Variants in PPP2R5E observed in about 807,000 individuals in gnomAD.
The protein encoded by PPP2R5E is protein phosphatase 2 regulatory subunit B'epsilon.
Under a neutral mutation model 65.3 loss-of-function variants are expected in PPP2R5E, and 4 were observed. The ratio of observed to expected loss-of-function variants is 0.06; its 90% CI spans 0.03 to 0.14. PPP2R5E has a LOEUF of 0.14. PPP2R5E is among the 10% of genes least tolerant of loss of function. The probability of loss-of-function intolerance (pLI) is 1.00; values close to 1 mark genes in which losing one functional copy is unlikely to be tolerated. For missense variants in PPP2R5E, 274 were observed against 556.1 expected (o/e 0.49, Z 5.10); for synonymous variants, 183 against 187.4 (o/e 0.98, Z 0.19).
chr14:63,426,041 G>A (rs1347302648), intron 3 of PPP2R5E, among the ~76,000 whole-genome samples: 1 of 152,146 alleles, frequency 6.6e-6, no homozygotes, highest in Non-Finnish European at 1.5e-5. Context: ...ACCAAATGAG[G>A]AATGAGAAAG....
At chr14:63,524,659 G>A (rs767999226) in intron 2 of PPP2R5E, among the ~76,000 whole-genome samples, 1 of 152,186 alleles carries the variant, frequency 6.6e-6, no homozygotes, top group Non-Finnish European at 1.5e-5. Flanking sequence ...TGACTGACAT[G>A]ACTGACATGC....
chr14:63,430,369 A>ACATACATACATACATGCATGCATACATG (rs1887581648), intron 3 of PPP2R5E, among the ~76,000 whole-genome samples: 7 of 135,138 alleles, frequency 5.2e-5, no homozygotes, highest in African/African-American at 2.2e-4. Flanking sequence ...ATACATACAT[A>ACATACATACATACATGCATGCATACATG]CATGCATGCA....
chr14:63,501,905 A>C (rs1891909682), intron 2 of PPP2R5E, among the ~76,000 whole-genome samples: 1 of 151,996 alleles, frequency 6.6e-6, no homozygotes, highest in South Asian at 2.1e-4. Context: ...TTAATTTTTT[A>C]TTTTTTTGAG....
chr14:63,440,432 G>T (rs1302959665), intron 3 of PPP2R5E, among the ~76,000 whole-genome samples: 1 of 148,072 alleles, frequency 6.8e-6, no homozygotes, highest in Non-Finnish European at 1.5e-5. Flanking sequence ...AAAAAAAAAT[G>T]AACATTTAAC....
intron 2 of PPP2R5E, among the ~76,000 whole-genome samples, chr14:63,493,971 T>C (rs1891416019): frequency 6.6e-6 from 1 of 152,174 alleles, no homozygotes; most frequent in African/African-American, 2.4e-5. Flanking sequence ...TCTCAAATAC[T>C]CTACTAGAAA....
intron 3 of PPP2R5E, among the ~76,000 whole-genome samples, chr14:63,435,657 C>A (rs1215410785): frequency 2.0e-5 from 3 of 152,226 alleles, no homozygotes; most frequent in Admixed American, 6.5e-5. Context: ...CACACCCTCT[C>A]TAATCTAAAC....
intron 2 of PPP2R5E, among the ~76,000 whole-genome samples, chr14:63,471,268 T>C (rs1474356267): frequency 6.6e-6 from 1 of 152,212 alleles, no homozygotes; most frequent in Non-Finnish European, 1.5e-5. Context: ...TCACAAGTTT[T>C]CAGAATCTAT....
chr14:63,471,711 C>T (rs982442045), intron 2 of PPP2R5E, among the ~76,000 whole-genome samples: 1 of 152,238 alleles, frequency 6.6e-6, no homozygotes, highest in East Asian at 1.9e-4. Flanking sequence ...GAAAGGGGGC[C>T]CTGCTGAGCT....
chr14:63,384,340 A>G (rs1439718748), intron 12 of PPP2R5E, 104 bp downstream of exon 12: 4 of 1,339,648 alleles, frequency 3.0e-6, no homozygotes, highest in South Asian at 1.2e-5. Context: ...ATCTTTTCAC[A>G]TACGTCTTCA....
At chr14:63,456,834 T>C (rs6573519) in intron 2 of PPP2R5E, among the ~76,000 whole-genome samples, 45,994 of 152,090 alleles carry the variant, frequency 0.3, 8,962 homozygotes, top group African/African-American at 0.56. Context: ...CAAATGACTC[T>C]CCATTCATAA....
intron 5 of PPP2R5E, among the ~76,000 whole-genome samples, chr14:63,405,980 A>G (rs1377146814): frequency 1.3e-5 from 2 of 152,252 alleles, no homozygotes; most frequent in Non-Finnish European, 2.9e-5. Flanking sequence ...AAGTGAGTAC[A>G]CAAAAAATGC....
intron 4 of PPP2R5E, among the ~76,000 whole-genome samples, chr14:63,417,930 C>T (rs1023170698): frequency 7.9e-5 from 12 of 152,112 alleles, no homozygotes; most frequent in Non-Finnish European, 1.8e-4. Context: ...GTCTCAGAGC[C>T]CCTCTAAGGG....
At chr14:63,511,224 C>T (rs371193711) in intron 2 of PPP2R5E, among the ~76,000 whole-genome samples, 30 of 152,320 alleles carry the variant, frequency 2.0e-4, no homozygotes, top group African/African-American at 6.3e-4. Context: ...AGTTGTTAAG[C>T]ATTTGCATTT....
At chr14:63,398,723 G>A (rs141774313) in intron 5 of PPP2R5E, among the ~76,000 whole-genome samples, 1 of 152,136 alleles carries the variant, frequency 6.6e-6, no homozygotes, top group Non-Finnish European at 1.5e-5. Flanking sequence ...CTGGGAGGTG[G>A]AGTTTGCAGT....
chr14:63,374,634 G>GATAGAT lies in PPP2R5E; in HGVS notation c.*1374_*1375insATCTAT. 9.1e-6 allele frequency: 1 copy of GATAGAT among 109,576 alleles called. No homozygotes were observed. The highest frequency in any genetic ancestry group is 2.8e-4 in the East Asian group (1 of 3,524). The allele number at this position is 109,576 out of a possible 1,614,324, so 6.8% of individuals were successfully genotyped here. Reference sequence around the variant, plus strand: ...TAAATACAAAGCAGAGAGCCAATAAGATATATATATATATATATATATATA... The same window carrying GATAGAT: ...TAAATACAAAGCAGAGAGCCAATAAGATAGATATATATATATATATATATATATATA... On this transcript the variant is annotated 3_prime_UTR_variant, in exon 14 of 14. Transcript: ENST00000337537.
chr14:63,500,784 C>T (rs73276591), intron 2 of PPP2R5E, among the ~76,000 whole-genome samples: 5,013 of 151,550 alleles, frequency 0.033, 224 homozygotes, highest in East Asian at 0.15. Context: ...GAGGATCTCT[C>T]GAGCCTGGGA....
chr14:63,431,413 T>A (rs539062583), intron 3 of PPP2R5E, among the ~76,000 whole-genome samples: 2 of 152,358 alleles, frequency 1.3e-5, no homozygotes, highest in African/African-American at 4.8e-5. Flanking sequence ...GTATTTGCTA[T>A]GTAATGTCAT....
At chr14:63,495,417 C>CAAAAAAAAAAAAAAAAAAAAAAAAAA (rs772700927) in intron 2 of PPP2R5E, among the ~76,000 whole-genome samples, 1 of 93,234 alleles carries the variant, frequency 1.1e-5, no homozygotes, top group Non-Finnish European at 2.3e-5. Flanking sequence ...ACTAAAAATA[C>CAAAAAAAAAAAAAAAAAAAAAAAAAA]AAAAAAAAAA....
intron 2 of PPP2R5E, among the ~76,000 whole-genome samples, chr14:63,461,624 G>A (rs1251394307): frequency 2.1e-5 from 3 of 140,808 alleles, no homozygotes; most frequent in African/African-American, 5.7e-5. Context: ...CAGCGAGATC[G>A]CGTCTCTACA....
Sources: gnomAD v4.1 joint callset for allele counts (sites outside exome capture counted in the v4.1 genomes callset) on GRCh38, gnomAD v4.1.1 for gene constraint, MANE v1.5 for transcripts, NCBI Gene and HGNC (gene_info 2026-07-23, HGNC 2026-07-21) for gene names.